The following CRACR2A variants were observed in gnomAD, a reference collection of about 807,000 sequenced individuals.
The protein encoded by CRACR2A is EF-hand calcium-binding domain-containing protein 4B.
CRACR2A carries 79 observed loss-of-function variants against 90.5 expected under a neutral mutation model. The ratio of observed to expected loss-of-function variants is 0.87; its 90% CI spans 0.73 to 1.05. The LOEUF is 1.05. CRACR2A is among the 50% of genes least tolerant of loss of function. The pLI is 0.00. For missense variants in CRACR2A, 823 were observed against 897.2 expected (o/e 0.92, Z 1.06); for synonymous variants, 338 against 356.7 (o/e 0.95, Z 0.59).
chr12:3,656,314 T>C lies in CRACR2A; in HGVS notation c.855A>G (p.Lys285=), dbSNP rs977942233. The change falls in exon 9 of 20, where the codon AAA becomes AAG. Residue 285 remains lysine (K), a synonymous_variant. Transcript: ENST00000440314. ...GGGGCCATGGATGGCAACATACCCTTTTCTGCTTCTGGGTGAGCTGCTCCA... is the reference window on the plus strand; with the variant it reads ...GGGGCCATGGATGGCAACATACCCTCTTCTGCTTCTGGGTGAGCTGCTCCA... ...QELEQLTQKQ[K]RLEGQCTALH... is the part of the protein sequence containing the mutation. 2 of 1,613,916 alleles carry C rather than the reference T, an allele frequency of 1.2e-6. No homozygotes were observed. Among genetic ancestry groups the C allele is most frequent in the African/African-American group, 2.7e-5 (2 of 74,874 alleles).
chr12:3,642,863 A>G (rs1944598781), intron 12 of CRACR2A, among the ~76,000 whole-genome samples: 1 of 152,216 alleles, frequency 6.6e-6, no homozygotes, highest in African/African-American at 2.4e-5. Flanking sequence ...TTAATTAGCC[A>G]TCCCATGATT....
chr12:3,653,302 C>T (rs141833546), intron 10 of CRACR2A, among the ~76,000 whole-genome samples: 105 of 152,250 alleles, frequency 6.9e-4, no homozygotes, highest in African/African-American at 2.1e-3. Flanking sequence ...AAAGATCAAA[C>T]GAGAGGATGT....
At chr12:3,656,965 C>T (rs1944921756) in intron 8 of CRACR2A, among the ~76,000 whole-genome samples, 1 of 152,228 alleles carries the variant, frequency 6.6e-6, no homozygotes, top group African/African-American at 2.4e-5. Flanking sequence ...CCAAGCCCTG[C>T]TCCTCAGGAT....
At chr12:3,688,538 A>G (rs1945603186) in intron 4 of CRACR2A, among the ~76,000 whole-genome samples, 1 of 151,726 alleles carries the variant, frequency 6.6e-6, no homozygotes, top group South Asian at 2.1e-4. Context: ...ATTCTGTTCC[A>G]TTTGTCTATG....
intron 14 of CRACR2A, among the ~76,000 whole-genome samples, chr12:3,634,113 C>T (rs1385729362): frequency 6.6e-6 from 1 of 152,096 alleles, no homozygotes; most frequent in Non-Finnish European, 1.5e-5. Flanking sequence ...TGAGCGGTGG[C>T]TTCAAGAGGG....
chr12:3,697,581 G>GAAA (rs1207441856), intron 3 of CRACR2A, among the ~76,000 whole-genome samples: 1 of 152,184 alleles, frequency 6.6e-6, no homozygotes, highest in Non-Finnish European at 1.5e-5. Context: ...CAACTTGTAT[G>GAAA]ATCTCAGTCC....
chr12:3,636,229 TCCAGAAGGGTTGTA>T (rs1369885895), intron 14 of CRACR2A, among the ~76,000 whole-genome samples: 1 of 152,230 alleles, frequency 6.6e-6, no homozygotes, highest in Non-Finnish European at 1.5e-5. Context: ...CAAATGGGTT[TCCAGAAGGGTTGTA>T]CCAATTTACA....
At chr12:3,672,885 A>G in intron 7 of CRACR2A, 1 of 803,188 alleles carries the variant, frequency 1.2e-6, no homozygotes, top group Non-Finnish European at 1.5e-6. Context: ...GTGACGGGAG[A>G]GAGCGGCCAG....
At position 3,647,500 on chromosome 12, in the gene CRACR2A, C is replaced by T. The variant is rs143467104; in HGVS notation, c.1118+1042G>A. The stretch of plus-strand genomic sequence containing the variant: ...TGCAATAGAAAAAAAAGACCCCAAA[C>T]TTGTCCTTATACGTTTTGTTCTCTT... On this transcript the variant is annotated intron_variant, in intron 11 of 19. Coordinates refer to ENST00000440314, the MANE Select transcript of CRACR2A (RefSeq NM_001144958.2). 3.9e-3 allele frequency among the ~76,000 whole-genome samples: 589 copies of T among 152,258 alleles called. 1 individual carries two copies. The highest frequency in any genetic ancestry group is 0.01 in the Middle Eastern group (3 of 294).
chr12:3,719,919 A>G (rs1591709965), intron 2 of CRACR2A, among the ~76,000 whole-genome samples: 2 of 151,970 alleles, frequency 1.3e-5, no homozygotes, highest in Admixed American at 6.6e-5. Flanking sequence ...GGAGTTCAAG[A>G]CCAGCCTGGC....
chr12:3,721,625 C>T (rs559469332), intron 2 of CRACR2A, among the ~76,000 whole-genome samples: 49 of 150,454 alleles, frequency 3.3e-4, no homozygotes, highest in South Asian at 2.7e-3. Flanking sequence ...TTATTCTTCT[C>T]CTCAAATAGC....
intron 17 of CRACR2A, among the ~76,000 whole-genome samples, chr12:3,621,680 A>C (rs1259193276): frequency 7.0e-6 from 1 of 141,968 alleles, no homozygotes; most frequent in Non-Finnish European, 1.5e-5. Context: ...AAAAAAAAAA[A>C]ACCAAAGCAA....
At chr12:3,639,508 A>C (rs1370140597) in intron 13 of CRACR2A, among the ~76,000 whole-genome samples, 1 of 117,240 alleles carries the variant, frequency 8.5e-6, no homozygotes, top group African/African-American at 2.9e-5. Flanking sequence ...ACTAGAAAAG[A>C]AAATGGAATG....
chr12:3,712,959 G>T (rs958508810), intron 3 of CRACR2A, among the ~76,000 whole-genome samples: 8 of 151,744 alleles, frequency 5.3e-5, no homozygotes, highest in Non-Finnish European at 1.0e-4. Context: ...TAAAAGAGCT[G>T]GGCAAAGTGA....
At chr12:3,645,687 T>C (rs1033328240) in intron 11 of CRACR2A, among the ~76,000 whole-genome samples, 2 of 152,116 alleles carry the variant, frequency 1.3e-5, no homozygotes, top group African/African-American at 4.8e-5. Flanking sequence ...ACCGTTTTTT[T>C]GGAACAGCAC....
chr12:3,654,672 C>A (rs1044356653), intron 9 of CRACR2A, among the ~76,000 whole-genome samples: 7 of 152,220 alleles, frequency 4.6e-5, no homozygotes, highest in African/African-American at 1.7e-4. Context: ...CTCAAAAAGA[C>A]CACTAGCAAA....
chr12:3,681,253 C>T (rs112501006), intron 4 of CRACR2A, among the ~76,000 whole-genome samples: 66 of 152,328 alleles, frequency 4.3e-4, no homozygotes, highest in Non-Finnish European at 8.4e-4. Flanking sequence ...TCCCTGCTGA[C>T]TGGTAAGGAA....
intron 1 of CRACR2A, among the ~76,000 whole-genome samples, chr12:3,733,891 AC>A (rs1946398617): frequency 6.6e-6 from 1 of 151,214 alleles, no homozygotes; most frequent in Non-Finnish European, 1.5e-5. Flanking sequence ...ACACACACAC[AC>A]ACACACACAC....
chr12:3,622,259 T>C (rs1334731805), intron 17 of CRACR2A, among the ~76,000 whole-genome samples: 2 of 152,228 alleles, frequency 1.3e-5, no homozygotes, highest in African/African-American at 4.8e-5. Context: ...CCCATCAGCA[T>C]GACAGGTTGG....
Sources: allele counts gnomAD v4.1 joint callset (sites outside exome capture counted in the v4.1 genomes callset), GRCh38; gene constraint gnomAD v4.1.1; transcripts MANE v1.5; gene names NCBI Gene and HGNC (gene_info 2026-07-23, HGNC 2026-07-21).